HSD17B14: variants seen among roughly 807,000 people sequenced by gnomAD.
The protein encoded by HSD17B14 is hydroxysteroid 17-beta dehydrogenase 14.
A neutral mutation model predicts 32.2 loss-of-function variants in HSD17B14; 32 were observed. That is an observed-to-expected ratio of 0.99 (90% CI 0.75 to 1.33). The LOEUF (loss-of-function observed/expected upper bound fraction) is 1.33, where lower values mean the gene tolerates loss of function less well. Among genes scored for constraint, HSD17B14 ranks in the 40% most tolerant of loss-of-function variants. The probability of loss-of-function intolerance (pLI) is 0.00; values close to 1 mark genes in which losing one functional copy is unlikely to be tolerated. For missense variants in HSD17B14, 370 were observed against 366.5 expected, an observed-to-expected ratio of 1.01 and a Z score of -0.08; for synonymous variants, 140 against 155.4, an observed-to-expected ratio of 0.90 and a Z score of 0.74.
intron 5 of HSD17B14, among the ~76,000 whole-genome samples, chr19:48,820,681 C>T (rs2035131369): frequency 6.6e-6 from 1 of 150,534 alleles, no homozygotes; most frequent in African/African-American, 2.4e-5. Flanking sequence ...ACCACCATGC[C>T]CGGCTAATTT....
chr19:48,826,542 T>TATATATATACACAC lies in HSD17B14; in HGVS notation c.369+5125_369+5126insGTGTGTATATATAT. Among the ~76,000 whole-genome samples, 10 of 80,114 alleles carry TATATATATACACAC rather than the reference T, an allele frequency of 1.2e-4. 1 individual carries two copies. The highest frequency in any genetic ancestry group is 4.2e-4 in the African/African-American group (8 of 19,082). 52.6% of individuals were successfully genotyped at this position (80,114 alleles called of 152,430 possible). On this transcript the variant is annotated intron_variant, in intron 5 of 8. Transcript: ENST00000263278. The stretch of plus-strand genomic sequence containing the variant: ...GAAAAGAAGAAAATATATATATATA[T>TATATATATACACAC]ACACACACACACACACACACACACA...
At chr19:48,827,054 T>C (rs1038706308) in intron 5 of HSD17B14, among the ~76,000 whole-genome samples, 3 of 151,794 alleles carry the variant, frequency 2.0e-5, no homozygotes, top group African/African-American at 4.8e-5. Flanking sequence ...ACTTTTTTTT[T>C]TTTTTTGAGA....
At chr19:48,832,631 G>A in intron 4 of HSD17B14, 35 bp downstream of exon 4, 1 of 1,580,698 alleles carries the variant, frequency 6.3e-7, no homozygotes, top group Admixed American at 1.7e-5. Flanking sequence ...TGGGGGGCAG[G>A]AGGTGGAGAA....
Position 48,836,429 on chromosome 19 carries a change from C to G in HSD17B14, c.-18G>C. On this transcript the variant is annotated 5_prime_UTR_variant, in exon 1 of 9. Transcript: ENST00000263278. Reference sequence around the variant, plus strand: ...GTAGCCATCCCGTGTACGTCGGTCTCTCTCTCTCTCTACTCTGGGCCTCTT... The same window carrying G: ...GTAGCCATCCCGTGTACGTCGGTCTGTCTCTCTCTCTACTCTGGGCCTCTT... The G allele has an allele frequency of 6.2e-7, 1 of 1,605,182 alleles. No individual in the cohort carries two copies. The highest frequency in any genetic ancestry group is 8.5e-7 in the Non-Finnish European group (1 of 1,175,052).
intron 5 of HSD17B14, among the ~76,000 whole-genome samples, chr19:48,816,779 TTTTCTTTCTTTCTTTC>T (rs368394306): frequency 1.6e-5 from 2 of 122,284 alleles, no homozygotes; most frequent in East Asian, 4.7e-4. Context: ...GCAAGACCCT[TTTTCTTTCTTTCTTTC>T]TTTCTTTCTT....
At position 48,834,342 on chromosome 19, in the gene HSD17B14, G is replaced by A. The variant is rs369448743; in HGVS notation, c.144C>T (p.Ala48=). ...ICDKDESGGR[A]LEQELPGAVF... ...CAGCTCCAGGGAGCTCCTGCTCCAG[G>A]GCCCGGCCCCCAGACTCTGCAGGGA... Residue 48 remains alanine, a synonymous_variant, in exon 3 of 9, where the codon GCC becomes GCT. Transcript: ENST00000263278. The A allele has an allele frequency of 1.2e-6, 2 of 1,613,748 alleles. No homozygotes were observed. The highest frequency in any genetic ancestry group is 3.3e-5 in the Admixed American group (2 of 59,992).
chr19:48,813,288 C>G lies in HSD17B14; in HGVS notation c.700G>C (p.Glu234Gln). The G allele has an allele frequency of 6.2e-7, 1 of 1,603,036 alleles. No individual in the cohort carries two copies. Among genetic ancestry groups the G allele is most frequent in the Non-Finnish European group, 8.5e-7 (1 of 1,174,918 alleles). The change falls in exon 9 of 9, where the codon GAA (glutamate) becomes CAA (glutamine). Residue 234 changes from glutamate (E) to glutamine (Q), a missense_variant. Physicochemically the swap from Glu to Gln is conservative, Grantham distance 29. Transcript: ENST00000263278. ...VGAAAVFLASEANFCTGIELL... is the reference protein window; with the variant it reads ...VGAAAVFLASQANFCTGIELL... ...TCAATGCCCGTGCAGAAGTTGGCTT[C>G]GGAGGCCAGGAACACTGCCGCAGCC...
intron 5 of HSD17B14, among the ~76,000 whole-genome samples, chr19:48,816,834 C>CTT (rs2035065464): frequency 1.1e-4 from 4 of 36,622 alleles, no homozygotes; most frequent in African/African-American, 3.3e-4. Context: ...TTTTCTTTCT[C>CTT]TCTCTCTCTC....
intron 5 of HSD17B14, among the ~76,000 whole-genome samples, chr19:48,817,269 C>G (rs991335802): frequency 6.6e-6 from 1 of 151,790 alleles, no homozygotes; most frequent in Non-Finnish European, 1.5e-5. Flanking sequence ...CCTCCTCCCC[C>G]CAGGTTCAAG....
chr19:48,824,545 C>T (rs533506625), intron 5 of HSD17B14, among the ~76,000 whole-genome samples: 4 of 151,530 alleles, frequency 2.6e-5, no homozygotes, highest in Non-Finnish European at 5.9e-5. Context: ...CTGAAGCAGG[C>T]GGATCACGAG....
chr19:48,834,224 C>T, intron 3 of HSD17B14, 52 bp downstream of exon 3: 1 of 1,455,812 alleles, frequency 6.9e-7, no homozygotes, highest in Non-Finnish European at 9.6e-7. Context: ...TGGAGGAGAA[C>T]AAAGAACTGG....
Position 48,814,926 on chromosome 19 carries a change from G to A in HSD17B14, c.474+111C>T. 4.1e-6 allele frequency: 3 copies of A among 739,340 alleles called. 1 individual carries two copies. In the South Asian group the frequency reaches 4.7e-5, roughly 11 times the overall value. The allele number at this position is 739,340 out of a possible 1,614,324, so 45.8% of individuals were successfully genotyped here. A position where few individuals can be genotyped will look rare whatever the true frequency, so the allele number is the denominator to read the frequency against. On this transcript the variant is annotated intron_variant, in intron 6 of 8. Transcript: ENST00000263278. Reference sequence around the variant, plus strand: ...TGCTGCATCTGGGAGTTAGGTGTGAGACTTTCTAGGGCCAAGATCTTGCTA... The same window carrying A: ...TGCTGCATCTGGGAGTTAGGTGTGAAACTTTCTAGGGCCAAGATCTTGCTA...
chr19:48,815,324 G>A (rs541915715), intron 5 of HSD17B14, among the ~76,000 whole-genome samples, 183 bp from the exon 6 acceptor site: 25 of 152,200 alleles, frequency 1.6e-4, no homozygotes, highest in African/African-American at 6.0e-4. Context: ...CCCTGGGGTC[G>A]CTGGGTCTCA....
At chr19:48,825,303 G>A (rs1447510969) in intron 5 of HSD17B14, among the ~76,000 whole-genome samples, 3 of 151,408 alleles carry the variant, frequency 2.0e-5, no homozygotes, top group Non-Finnish European at 4.4e-5. Context: ...AACGGGTAGA[G>A]CAAGTTATTC....
chr19:48,833,776 A>C (rs1220944660), intron 3 of HSD17B14, among the ~76,000 whole-genome samples: 3 of 151,484 alleles, frequency 2.0e-5, no homozygotes, highest in African/African-American at 7.3e-5. Flanking sequence ...CGGTGAGCCG[A>C]GATCACACCA....
At chr19:48,823,600 A>G (rs1246163422) in intron 5 of HSD17B14, among the ~76,000 whole-genome samples, 1 of 151,706 alleles carries the variant, frequency 6.6e-6, no homozygotes, top group Non-Finnish European at 1.5e-5. Context: ...ATGGGCATAT[A>G]GGTATTTATT....
rs768818583 is a variant in HSD17B14, at chr19:48,832,727, C to T, written c.216G>A (p.Leu72=). 6.2e-7 allele frequency: 1 copy of T among 1,611,798 alleles called. No homozygotes were observed. Among genetic ancestry groups the T allele is most frequent in the South Asian group, 1.1e-5 (1 of 90,610 alleles). Residue 72 remains leucine, a synonymous_variant, in exon 4 of 9, where the codon CTG becomes CTA. Transcript: ENST00000263278. ...DVTQEDDVKT[L]VSETIRRFGR... is the part of the protein sequence containing the mutation. ...CAAATCGGCGGATGGTCTCAGAAAC[C>T]AGGGTCTGAGGAGAAAGGAAATGTC...
rs1490834400 is a variant in HSD17B14 at position 48,831,754 on chromosome 19, G to A, written c.283C>T (p.Pro95Ser). 3.1e-6 allele frequency: 5 copies of A among 1,609,810 alleles called. No homozygotes were observed. Among genetic ancestry groups the A allele is most frequent in the Non-Finnish European group, 4.2e-6 (5 of 1,176,886 alleles). The part of the protein sequence containing the change: ...CVVNNAGHHP[P>S]PQRPEETSAQ... ...GAGGTCTCCTCAGGCCTCTGTGGGG[G>A]TGGGTCTAAAGTGGGGGGTGAGAGA... The change falls in exon 5 of 9, where the codon CCC (proline) becomes TCC (serine). Residue 95 changes from proline to serine, a missense_variant. Transcript: ENST00000263278.
chr19:48,826,967 T>C (rs1295547351), intron 5 of HSD17B14, among the ~76,000 whole-genome samples: 1 of 151,912 alleles, frequency 6.6e-6, no homozygotes, highest in Non-Finnish European at 1.5e-5. Context: ...CGCCAGGCTT[T>C]CCTGCCACAG....
Sources: allele counts gnomAD v4.1 joint callset (sites outside exome capture counted in the v4.1 genomes callset), GRCh38; gene constraint gnomAD v4.1.1; transcripts MANE v1.5; gene names NCBI Gene and HGNC (gene_info 2026-07-23, HGNC 2026-07-21).